ACOX1: variants seen among roughly 807,000 people sequenced by gnomAD.
ACOX1 encodes acyl-CoA oxidase 1.
ACOX1 carries 41 observed loss-of-function variants against 75.5 expected under a neutral mutation model. That is an observed-to-expected ratio of 0.54 (90% CI 0.42 to 0.70). ACOX1 has a LOEUF of 0.70. Ranked by LOEUF, ACOX1 falls within the 30% of genes least tolerant of loss-of-function variation. The pLI is 0.00. For synonymous variants in ACOX1, 303 were observed against 298.8 expected, an observed-to-expected ratio of 1.01 and a Z score of -0.15; for missense variants, 630 against 837.5, an observed-to-expected ratio of 0.75 and a Z score of 3.06.
chr17:75,960,000 T>C (rs1344411961), intron 3 of ACOX1, among the ~76,000 whole-genome samples: 1 of 152,194 alleles, frequency 6.6e-6, no homozygotes, highest in African/African-American at 2.4e-5. Context: ...AGGGGAACTA[T>C]GGTATAAAAA....
intron 4 of ACOX1, among the ~76,000 whole-genome samples, chr17:75,957,229 C>T (rs1041246807): frequency 8.6e-5 from 13 of 151,382 alleles, no homozygotes; most frequent in African/African-American, 1.9e-4. Context: ...TACAGGTGTG[C>T]GCCACCACAC....
At chr17:75,955,730 C>G (rs1361217348) in intron 5 of ACOX1, 49 bp from the exon 6 acceptor site, 5 of 1,611,768 alleles carry the variant, frequency 3.1e-6, no homozygotes, top group African/African-American at 1.3e-5. Context: ...TCTGGAATTT[C>G]TGGCTTTTGC....
intron 2 of ACOX1, among the ~76,000 whole-genome samples, chr17:75,975,050 CAAAAAAAAA>C (rs1022347068): frequency 5.0e-5 from 2 of 40,272 alleles, no homozygotes; most frequent in Admixed American, 2.9e-4. Context: ...ACTCTGTCTC[CAAAAAAAAA>C]AAAAAAAAAA....
intron 2 of ACOX1, among the ~76,000 whole-genome samples, chr17:75,966,219 G>A (rs1168810815): frequency 1.3e-5 from 2 of 151,902 alleles, no homozygotes; most frequent in African/African-American, 4.8e-5. Context: ...AGCACTTTGG[G>A]AGGCTGAGGT....
At chr17:75,972,645 CAAAAAAAAAAAA>C (rs10606220) in intron 2 of ACOX1, among the ~76,000 whole-genome samples, 1 of 99,210 alleles carries the variant, frequency 1.0e-5, no homozygotes, top group East Asian at 3.6e-4. Flanking sequence ...AACTCTGTCT[CAAAAAAAAAAAA>C]AAAAAAAAGA....
At chr17:75,977,835 T>TA (rs527664623) in intron 2 of ACOX1, among the ~76,000 whole-genome samples, 99 of 146,110 alleles carry the variant, frequency 6.8e-4, no homozygotes, top group African/African-American at 2.2e-3. Context: ...GTCGTGCAAC[T>TA]AAAAAAAAAA....
At chr17:75,953,210 T>C (rs1028253650) in intron 7 of ACOX1, 10 of 410,472 alleles carry the variant, frequency 2.4e-5, no homozygotes, top group African/African-American at 1.6e-4. Flanking sequence ...AAGTTAAAAA[T>C]AATAAGGTGG....
intron 2 of ACOX1, chr17:75,973,337 G>C (rs2066014260): frequency 2.3e-6 from 1 of 441,568 alleles, no homozygotes; most frequent in African/African-American, 2.0e-5. Context: ...TTACTCATTA[G>C]ACCCAGAGTA....
At chr17:75,973,695 T>C (rs1598201141) in intron 2 of ACOX1, 1 of 1,614,174 alleles carries the variant, frequency 6.2e-7, no homozygotes, top group Non-Finnish European at 8.5e-7. Context: ...GCCATTTCTC[T>C]TTCTGAGCAG....
chr17:75,960,161 T>C lies in ACOX1; in HGVS notation c.430+54A>G. On this transcript the variant is annotated intron_variant, in intron 3 of 13. Transcript: ENST00000293217. The surrounding 1 kb of genome is among the most constrained non-coding windows in gnomAD (Gnocchi z 4.4). ...TGGCACATGGTGGGCACTCCACACA[T>C]GGTAAGCTCACAGGGGCCCGCCCAA... 1.9e-6 allele frequency: 3 copies of C among 1,610,014 alleles called. No individual in the cohort carries two copies. The highest frequency in any genetic ancestry group is 1.7e-6 in the Non-Finnish European group (2 of 1,177,528).
At chr17:75,974,214 A>G (rs1046812452) in intron 2 of ACOX1, among the ~76,000 whole-genome samples, 12 of 151,946 alleles carry the variant, frequency 7.9e-5, no homozygotes, top group African/African-American at 2.9e-4. Context: ...TCCATAGAAC[A>G]CTTATTTATA....
chr17:75,978,788 C>CA lies in ACOX1; in HGVS notation c.110-96dup, dbSNP rs1277525619. On this transcript the variant is annotated intron_variant, in intron 1 of 13. Transcript: ENST00000293217. The surrounding 1 kb of genome is among the most constrained non-coding windows in gnomAD (Gnocchi z 4.2). ...ACAATAGGCTTCAGAGTCGCGGACA[C>CA]ACCTGGGGAATGGCGATATCCCCCC... 3.0e-5 allele frequency: 49 copies of CA among 1,607,976 alleles called. No homozygotes were observed. In the Admixed American group the frequency reaches 8.2e-4, roughly 27 times the overall value.
intron 2 of ACOX1, among the ~76,000 whole-genome samples, chr17:75,967,675 T>G (rs1341765382): frequency 7.2e-6 from 1 of 138,974 alleles, no homozygotes; most frequent in African/African-American, 2.8e-5. Flanking sequence ...TATATACATA[T>G]ATATACGTAT....
intron 10 of ACOX1, 34 bp downstream of exon 10, chr17:75,949,684 T>C (rs773019791): frequency 3.1e-6 from 5 of 1,614,066 alleles, no homozygotes; most frequent in Admixed American, 1.7e-5. Context: ...CCAGCCCCAC[T>C]GCTGCGTATT....
intron 13 of ACOX1, 55 bp downstream of exon 13, chr17:75,948,196 G>A: frequency 1.3e-6 from 2 of 1,576,846 alleles, no homozygotes; most frequent in Non-Finnish European, 1.7e-6. Flanking sequence ...GGCCTTTCCT[G>A]CTTCAATATT....
At chr17:75,972,344 A>AG (rs1567888528) in intron 2 of ACOX1, among the ~76,000 whole-genome samples, 6 of 134,404 alleles carry the variant, frequency 4.5e-5, no homozygotes, top group East Asian at 2.3e-4. Context: ...AAAAAAAAAA[A>AG]GGAAGGATCT....
Position 75,951,545 on chromosome 17 carries a change from G to C in ACOX1, c.977C>G (p.Thr326Ser), listed in dbSNP as rs2065774268. 6.2e-7 allele frequency: 1 copy of C among 1,614,006 alleles called. No individual in the cohort carries two copies. Among genetic ancestry groups the C allele is most frequent in the African/African-American group, 1.3e-5 (1 of 74,918 alleles). The change falls in exon 8 of 14, where the codon ACC becomes AGC. Residue 326 changes from threonine (T) to serine (S), a missense_variant. Thr to Ser is a moderately conservative substitution (Grantham distance 58). Transcript: ENST00000293217. ...EPEPQILDFQ[T>S]QQYKLFPLLA... ...GAGTGGAAAGAGTTTATACTGCTGG[G>C]TTTGAAAATCCAAAATCTGTGGTTC...
chr17:75,952,957 C>G (rs2467100), intron 7 of ACOX1, among the ~76,000 whole-genome samples: 71,236 of 151,884 alleles, frequency 0.47, 20,871 homozygotes, highest in African/African-American at 0.84. Flanking sequence ...TTACAGGTGT[C>G]AGCTACCACA....
At chr17:75,966,630 C>G (rs2065935493) in intron 2 of ACOX1, among the ~76,000 whole-genome samples, 1 of 151,938 alleles carries the variant, frequency 6.6e-6, no homozygotes, top group Non-Finnish European at 1.5e-5. Flanking sequence ...GGTGAAACCT[C>G]GTCTCTACTA....
Sources: gnomAD v4.1 joint callset for allele counts (sites outside exome capture counted in the v4.1 genomes callset) on GRCh38, gnomAD v4.1.1 for gene constraint, Gnocchi (gnomAD v3.1) non-coding constraint, MANE v1.5 for transcripts, NCBI Gene and HGNC (gene_info 2026-07-23, HGNC 2026-07-21) for gene names.